KCNQ2: variants seen among roughly 807,000 people sequenced by gnomAD.
KCNQ2 encodes potassium voltage-gated channel subfamily KQT member 2.
In KCNQ2, 14 loss-of-function variants were observed where a neutral mutation model predicts 84.8. The ratio of observed to expected loss-of-function variants is 0.17; its 90% CI spans 0.11 to 0.26. The LOEUF (loss-of-function observed/expected upper bound fraction) is 0.26. Among genes scored for constraint, KCNQ2 ranks in the 10% least tolerant of loss-of-function variants. The pLI is 1.00. For missense variants in KCNQ2, 788 were observed against 1,254.0 expected, an observed-to-expected ratio of 0.63 and a Z score of 5.61; for synonymous variants, 599 against 554.1, an observed-to-expected ratio of 1.08 and a Z score of -1.14.
At chr20:63,467,825 C>T (rs949458846) in intron 1 of KCNQ2, among the ~76,000 whole-genome samples, 9 of 152,086 alleles carry the variant, frequency 5.9e-5, no homozygotes, top group East Asian at 1.9e-4. Flanking sequence ...TCCTGGGGGC[C>T]GAGAATCCTT....
chr20:63,450,600 C>A (rs1380744602), intron 1 of KCNQ2, among the ~76,000 whole-genome samples: 4 of 1,034 alleles, frequency 3.9e-3, no homozygotes, highest in African/African-American at 0.022. Flanking sequence ...CAGGAGATCC[C>A]TAGCGCAGAG....
At chr20:63,442,343 TCCCAGCACAG>T in intron 5 of KCNQ2, 53 bp downstream of exon 5, 1 of 1,611,696 alleles carries the variant, frequency 6.2e-7, no homozygotes, top group Non-Finnish European at 8.5e-7. Context: ...GAGAGCCTGG[TCCCAGCACAG>T]GGACAGGGGT....
At chr20:63,466,171 G>C (rs1226965271) in intron 1 of KCNQ2, among the ~76,000 whole-genome samples, 1 of 152,148 alleles carries the variant, frequency 6.6e-6, no homozygotes, top group Non-Finnish European at 1.5e-5. Context: ...CACACACAGG[G>C]CAGGCACCTT....
intron 4 of KCNQ2, 118 bp from the exon 5 acceptor site, chr20:63,442,649 ATCACCACC>A: frequency 1.7e-5 from 14 of 825,682 alleles, no homozygotes; most frequent in South Asian, 5.6e-5. Context: ...CACCAAAACC[ATCACCACC>A]ACCATCACCA....
At chr20:63,443,236 TCAC>T (rs1302912002) in intron 4 of KCNQ2, among the ~76,000 whole-genome samples, 17 of 40,368 alleles carry the variant, frequency 4.2e-4, no homozygotes, top group South Asian at 9.6e-4. Flanking sequence ...ACCATCACCA[TCAC>T]CACCATCACA....
intron 1 of KCNQ2, among the ~76,000 whole-genome samples, chr20:63,469,282 C>T (rs1217470018): frequency 6.6e-6 from 1 of 152,264 alleles, no homozygotes; most frequent in Non-Finnish European, 1.5e-5. Flanking sequence ...GGTGGCCCAG[C>T]ACCCCGCCCC....
chr20:63,440,615 C>G (rs1012240756), intron 5 of KCNQ2, among the ~76,000 whole-genome samples: 1 of 152,208 alleles, frequency 6.6e-6, no homozygotes, highest in African/African-American at 2.4e-5. Context: ...TGAGCGCAGA[C>G]AGCAGGGCCG....
At chr20:63,434,967 G>A (rs2080948070) in intron 7 of KCNQ2, among the ~76,000 whole-genome samples, 2 of 152,214 alleles carry the variant, frequency 1.3e-5, no homozygotes, top group Middle Eastern at 3.2e-3. Flanking sequence ...GAATGGCCGG[G>A]TCACGTGACA....
rs1407459950 is a variant in KCNQ2, at chr20:63,406,902, G to A, written c.2361C>T (p.Ser787=). ...CGTGGTCCACGGACGGGATGGAGAT[G>A]GACGTGTCGCTGTCCCGCAGGTTCC... ...PEGNLRDSDT[S]ISIPSVDHEE... Residue 787 remains serine, a synonymous_variant, in exon 17 of 17, where the codon TCC becomes TCT. Coordinates refer to ENST00000359125, the MANE Select transcript of KCNQ2 (RefSeq NM_172107.4). 6.2e-7 allele frequency: 1 copy of A among 1,611,088 alleles called. No individual in the cohort carries two copies. Among genetic ancestry groups the A allele is most frequent in the Non-Finnish European group, 8.5e-7 (1 of 1,179,470 alleles).
intron 1 of KCNQ2, among the ~76,000 whole-genome samples, chr20:63,467,805 G>A (rs952819555): frequency 6.6e-6 from 1 of 152,194 alleles, no homozygotes. Context: ...GGATTCCCAC[G>A]TGGTCAGCAT....
rs540385699 is a variant in KCNQ2, at chr20:63,469,803, T to C, written c.296+2365A>G. ...CTAACACGCCACACGGGCCAGTCCA[T>C]GCCGGGCCAGAGGACATGGGGCCAT... is the stretch of plus-strand genomic sequence containing the variant. On this transcript the variant is annotated intron_variant, in intron 1 of 16. Coordinates refer to ENST00000359125, the MANE Select transcript of KCNQ2 (RefSeq NM_172107.4). Among the ~76,000 whole-genome samples, 16 of 152,330 alleles carry C rather than the reference T, an allele frequency of 1.1e-4. No homozygotes were observed. The South Asian group carries it at 1.2e-3, about 12-fold the overall frequency.
At chr20:63,440,103 G>C (rs1050689970) in intron 5 of KCNQ2, among the ~76,000 whole-genome samples, 3 of 152,208 alleles carry the variant, frequency 2.0e-5, no homozygotes, top group African/African-American at 7.2e-5. Flanking sequence ...CAGGGGGCTC[G>C]CTGAGCCTGA....
rs1046371824 is a variant in KCNQ2 at position 63,425,320 on chromosome 20, C to T, written c.1218-1114G>A. Among the ~76,000 whole-genome samples, 1 of 152,126 alleles carries T rather than the reference C, an allele frequency of 6.6e-6. No individual in the cohort carries two copies. The highest frequency in any genetic ancestry group is 1.5e-5 in the Non-Finnish European group (1 of 68,022). ...TCAACCACTGCATTCCCCCGACCCC[C>T]CAAAATTCATGTCCATCTTACATCG... is the stretch of plus-strand genomic sequence containing the variant. On this transcript the variant is annotated intron_variant, in intron 10 of 16. Coordinates refer to ENST00000359125, the MANE Select transcript of KCNQ2 (RefSeq NM_172107.4). This position sits in a 1 kb window ranked among gnomAD's most constrained non-coding sequence, Gnocchi z 5.5.
At chr20:63,424,400 C>T in intron 10 of KCNQ2, 194 bp from the exon 11 acceptor site, 1 of 625,360 alleles carries the variant, frequency 1.6e-6, no homozygotes, top group Non-Finnish European at 2.8e-6. Flanking sequence ...CACCCCAGGG[C>T]CCACGGAGGC....
At chr20:63,471,835 C>T (rs1319298212) in intron 1 of KCNQ2, 1 of 294,604 alleles carries the variant, frequency 3.4e-6, no homozygotes, top group South Asian at 8.3e-5. Flanking sequence ...TGCCGCCGTC[C>T]CTCCCCGGCC....
At chr20:63,471,388 AG>A (rs943402414) in intron 1 of KCNQ2, among the ~76,000 whole-genome samples, 5 of 152,194 alleles carry the variant, frequency 3.3e-5, no homozygotes, top group Admixed American at 2.0e-4. Context: ...CCGTTCCCTG[AG>A]CCTCGCCCGG....
chr20:63,412,416 A>G (rs1276300611), intron 15 of KCNQ2, among the ~76,000 whole-genome samples: 1 of 152,234 alleles, frequency 6.6e-6, no homozygotes, highest in Non-Finnish European at 1.5e-5. Context: ...GCACACGCAC[A>G]CGCAGCCAGG....
chr20:63,411,111 G>A, intron 15 of KCNQ2: 1 of 417,442 alleles, frequency 2.4e-6, no homozygotes, highest in Admixed American at 2.8e-5. Flanking sequence ...CACTAATTAG[G>A]ATGCTGGCAG....
intron 5 of KCNQ2, among the ~76,000 whole-genome samples, chr20:63,440,036 A>G (rs1215989586): frequency 6.6e-6 from 1 of 152,210 alleles, no homozygotes; most frequent in Non-Finnish European, 1.5e-5. Flanking sequence ...CCAGGTGAAG[A>G]GTGCAGCTGG....
Sources: gnomAD v4.1 joint callset for allele counts (sites outside exome capture counted in the v4.1 genomes callset) on GRCh38, gnomAD v4.1.1 for gene constraint, Gnocchi (gnomAD v3.1) non-coding constraint, MANE v1.5 for transcripts, NCBI Gene and HGNC (gene_info 2026-07-23, HGNC 2026-07-21) for gene names.